VWA8: variants seen among roughly 807,000 people sequenced by gnomAD.
The protein encoded by VWA8 is von Willebrand factor A domain containing 8, also known as von Willebrand factor A domain-containing protein 8.
VWA8 carries 221 observed loss-of-function variants against 241.5 expected under a neutral mutation model. The observed-to-expected ratio is 0.91, with a 90% confidence interval of 0.82 to 1.02. The LOEUF is 1.02. Ranked by LOEUF, VWA8 falls within the 50% of genes least tolerant of loss-of-function variation. The pLI, the probability that VWA8 is intolerant of heterozygous loss-of-function variation, is 0.00. For synonymous variants in VWA8, 852 were observed against 827.1 expected, an observed-to-expected ratio of 1.03 and a Z score of -0.52; for missense variants, 2,322 against 2,328.7, an observed-to-expected ratio of 1.00 and a Z score of 0.06.
chr13:41,771,576 TTTA>T (rs1566450579), intron 20 of VWA8, among the ~76,000 whole-genome samples: 2 of 152,104 alleles, frequency 1.3e-5, no homozygotes, highest in African/African-American at 4.8e-5. Context: ...GGGACTTTTT[TTTA>T]TTATTATTTT....
Position 41,729,591 on chromosome 13 carries a change from T to C in VWA8, c.2589A>G (p.Leu863=), listed in dbSNP as rs1262941394. 1.2e-6 allele frequency: 2 copies of C among 1,613,172 alleles called. No homozygotes were observed. Among genetic ancestry groups the C allele is most frequent in the East Asian group, 2.2e-5 (1 of 44,838 alleles). ...CTAGAATCATTTCTCCATTTTCTAC[T>C]AGAGTTTTTAAAATACACGTGACAT... The part of the protein sequence containing the change: ...PTNVTCILKT[L]VENGEMILAD... Residue 863 remains leucine, a synonymous_variant, in exon 23 of 45, where the codon CTA becomes CTG. Coordinates refer to ENST00000379310, the MANE Select transcript of VWA8 (RefSeq NM_015058.2).
At chr13:41,683,056 T>C (rs1029280909) in intron 35 of VWA8, among the ~76,000 whole-genome samples, 1 of 152,124 alleles carries the variant, frequency 6.6e-6, no homozygotes, top group Non-Finnish European at 1.5e-5. Context: ...GGCAGTTTCA[T>C]CATATGATGC....
chr13:41,629,021 C>G (rs1036313781), intron 37 of VWA8, among the ~76,000 whole-genome samples: 1 of 152,010 alleles, frequency 6.6e-6, no homozygotes, highest in African/African-American at 2.4e-5. Flanking sequence ...AGTCTGGCGA[C>G]AGAGCGAGAC....
At chr13:41,647,792 C>A (rs2044841252) in intron 37 of VWA8, among the ~76,000 whole-genome samples, 1 of 152,182 alleles carries the variant, frequency 6.6e-6, no homozygotes, top group East Asian at 1.9e-4. Flanking sequence ...GAGTTTGAGA[C>A]CAGATTGGCC....
chr13:41,686,542 A>G (rs753531243), intron 34 of VWA8, among the ~76,000 whole-genome samples: 5 of 151,312 alleles, frequency 3.3e-5, no homozygotes, highest in Non-Finnish European at 7.4e-5. Context: ...TTTTACTTCT[A>G]TATCTACCTA....
chr13:41,767,000 T>A (rs1275488763), intron 20 of VWA8, among the ~76,000 whole-genome samples: 1 of 152,164 alleles, frequency 6.6e-6, no homozygotes, highest in East Asian at 1.9e-4. Context: ...TCAGCAATTT[T>A]AAAAAATGGA....
At chr13:41,733,769 T>C (rs529206869) in intron 21 of VWA8, among the ~76,000 whole-genome samples, 1 of 152,132 alleles carries the variant, frequency 6.6e-6, no homozygotes, top group Non-Finnish European at 1.5e-5. Context: ...GACTGTAAGA[T>C]CTAAGAGTAC....
At chr13:41,724,791 A>G (rs1281966307) in intron 24 of VWA8, among the ~76,000 whole-genome samples, 1 of 152,190 alleles carries the variant, frequency 6.6e-6, no homozygotes, top group Non-Finnish European at 1.5e-5. Flanking sequence ...CTATATTTCA[A>G]TCTCTTGCAG....
intron 37 of VWA8, among the ~76,000 whole-genome samples, chr13:41,653,549 G>GA (rs2044882115): frequency 6.6e-6 from 1 of 152,068 alleles, no homozygotes; most frequent in Non-Finnish European, 1.5e-5. Flanking sequence ...CATAGAATTA[G>GA]AAAAAACTAT....
chr13:41,772,459 A>T (rs187111933), intron 20 of VWA8, among the ~76,000 whole-genome samples: 32 of 74,472 alleles, frequency 4.3e-4, no homozygotes, highest in Admixed American at 3.9e-3. Flanking sequence ...AAACAAAACA[A>T]ACAAACAAAA....
intron 35 of VWA8, among the ~76,000 whole-genome samples, chr13:41,676,274 T>C (rs1038330615): frequency 6.6e-6 from 1 of 152,092 alleles, no homozygotes; most frequent in African/African-American, 2.4e-5. Context: ...TTTGGTTGTA[T>C]CTGTAATCTG....
chr13:41,897,848 G>T (rs547762172), intron 4 of VWA8, among the ~76,000 whole-genome samples: 5 of 152,270 alleles, frequency 3.3e-5, no homozygotes, highest in African/African-American at 1.2e-4. Flanking sequence ...ACCCGAGCGG[G>T]TTGCCACTGC....
chr13:41,946,938 T>C (rs1447726978), intron 2 of VWA8, among the ~76,000 whole-genome samples: 2 of 152,210 alleles, frequency 1.3e-5, no homozygotes, highest in Non-Finnish European at 2.9e-5. Context: ...TAATCACCCT[T>C]GATAGCTGAT....
chr13:41,841,168 A>T (rs868255149), intron 12 of VWA8, among the ~76,000 whole-genome samples: 1 of 152,186 alleles, frequency 6.6e-6, no homozygotes, highest in South Asian at 2.1e-4. Flanking sequence ...CACTAAAAGA[A>T]ATTCCCATAA....
At chr13:41,655,018 T>A (rs1054253367) in intron 37 of VWA8, among the ~76,000 whole-genome samples, 1 of 152,126 alleles carries the variant, frequency 6.6e-6, no homozygotes, top group Non-Finnish European at 1.5e-5. Flanking sequence ...GCTATATCAA[T>A]GTTAACTTCC....
intron 34 of VWA8, among the ~76,000 whole-genome samples, chr13:41,686,507 T>C (rs1198115503): frequency 5.8e-5 from 8 of 137,138 alleles, no homozygotes; most frequent in African/African-American, 2.0e-4. Flanking sequence ...CTTTTGCTCA[T>C]TTTTTTTTTC....
intron 16 of VWA8, among the ~76,000 whole-genome samples, chr13:41,816,299 C>T (rs1870689231): frequency 6.6e-6 from 1 of 152,108 alleles, no homozygotes; most frequent in Non-Finnish European, 1.5e-5. Flanking sequence ...ATCTTTCTAA[C>T]ATGCCATCTG....
In VWA8 at chr13:41,570,663, G is replaced by T. The variant is rs761358108; in HGVS notation, c.5414C>A (p.Thr1805Lys). 260 of 1,614,044 alleles carry T rather than the reference G, an allele frequency of 1.6e-4. No homozygotes were observed. Among genetic ancestry groups the T allele is most frequent in the Non-Finnish European group, 1.9e-4 (230 of 1,180,036 alleles). Residue 1805 changes from threonine (T) to lysine (K), a missense_variant, in exon 44 of 45, where the codon ACG becomes AAG. By Grantham distance (78) the Thr-to-Lys change is moderately conservative (BLOSUM62 -1). Transcript: ENST00000379310. The part of the protein sequence containing the change: ...HSQFCMSGDH[T>K]LEGTEHAIKE... The stretch of plus-strand genomic sequence containing the variant: ...GATGGCATGTTCTGTCCCTTCTAAC[G>T]TGTGGTCCCCACTCATGCAGAACTG...
intron 14 of VWA8, among the ~76,000 whole-genome samples, chr13:41,821,046 C>T (rs1372263408): frequency 6.6e-6 from 1 of 152,150 alleles, no homozygotes; most frequent in Non-Finnish European, 1.5e-5. Context: ...CAAAATACAA[C>T]AGGCAAGCCA....
Sources: gnomAD v4.1 joint callset for allele counts (sites outside exome capture counted in the v4.1 genomes callset) on GRCh38, gnomAD v4.1.1 for gene constraint, MANE v1.5 for transcripts, NCBI Gene and HGNC (gene_info 2026-07-23, HGNC 2026-07-21) for gene names.